Variants in SAR1A observed in about 807,000 individuals in gnomAD.
The protein encoded by SAR1A is secretion associated Ras related GTPase 1A, also known as small COPII coat GTPase SAR1A.
Under a neutral mutation model 22.6 loss-of-function variants are expected in SAR1A, and 6 were observed. The ratio of observed to expected loss-of-function variants is 0.27; its 90% CI spans 0.15 to 0.52. The LOEUF (loss-of-function observed/expected upper bound fraction) is 0.52. SAR1A is among the 20% of genes least tolerant of loss of function. The pLI is 0.96. For synonymous variants in SAR1A, 70 were observed against 82.2 expected, an observed-to-expected ratio of 0.85 and a Z score of 0.80; for missense variants, 145 against 245.1, an observed-to-expected ratio of 0.59 and a Z score of 2.73.
At chr10:70,156,116 TAGG>T (rs1839384028) in intron 5 of SAR1A, among the ~76,000 whole-genome samples, 1 of 152,046 alleles carries the variant, frequency 6.6e-6, no homozygotes. Flanking sequence ...GAATCAGTAG[TAGG>T]AGTTGTCGAG....
intron 5 of SAR1A, among the ~76,000 whole-genome samples, chr10:70,157,401 CAAAAAAAAAAAA>C (rs55801259): frequency 0.37 from 48,401 of 130,778 alleles, 8,924 homozygotes; most frequent in East Asian, 0.56. Flanking sequence ...AAGACTCCGT[CAAAAAAAAAAAA>C]AAAAAAAAAA....
At position 70,149,910 on chromosome 10, in the gene SAR1A, T is replaced by G. The variant is rs910298729; in HGVS notation, c.*2566A>C. ...CAGCTAAACTAGAACTAGTCCTTGC[T>G]AGCATGTTAATATAGATTTTGCTCA... On this transcript the variant is annotated 3_prime_UTR_variant, in exon 7 of 7. Transcript: ENST00000373241. The G allele has an allele frequency of 1.3e-5, 2 of 152,200 alleles. No homozygotes were observed. Among genetic ancestry groups the G allele is most frequent in the Non-Finnish European group, 2.9e-5 (2 of 68,036 alleles). The allele number at this position is 152,200 out of a possible 1,614,324, so 9.4% of individuals were successfully genotyped here.
chr10:70,164,532 C>A (rs1484784569), intron 1 of SAR1A, among the ~76,000 whole-genome samples: 1 of 152,218 alleles, frequency 6.6e-6, no homozygotes, highest in African/African-American at 2.4e-5. Context: ...AGTTGCACTA[C>A]TGCAGAATGG....
Position 70,148,306 on chromosome 10 carries a change from G to A in SAR1A, c.*4170C>T, listed in dbSNP as rs1367390442. ...TTGGTATAACCCCAGCACAACACAG[G>A]ATAATGCTCCCAGTACTCCCAGTGA... is the stretch of plus-strand genomic sequence containing the variant. On this transcript the variant is annotated 3_prime_UTR_variant, in exon 7 of 7. Transcript: ENST00000373241. 1 of 152,182 alleles carries A rather than the reference G, an allele frequency of 6.6e-6. No homozygotes were observed. Among genetic ancestry groups the A allele is most frequent in the Non-Finnish European group, 1.5e-5 (1 of 68,032 alleles). 9.4% of individuals were successfully genotyped at this position (152,182 alleles called of 1,614,324 possible). A position where few individuals can be genotyped will look rare whatever the true frequency, so the allele number is the denominator to read the frequency against.
intron 1 of SAR1A, among the ~76,000 whole-genome samples, chr10:70,165,264 CAAAAAAAAAAAAA>C (rs34191043): frequency 2.9e-4 from 27 of 92,906 alleles, no homozygotes; most frequent in Non-Finnish European, 4.9e-4. Context: ...GACTCCGTCT[CAAAAAAAAAAAAA>C]AAAAAAAAGA....
chr10:70,152,876 C>T lies in SAR1A; in HGVS notation c.481-284G>A, dbSNP rs370766523. ...TTATGGCAGCAAACCAAGAAAAAAG[C>T]CACTGGGACTTATGGAACCAGCATG... is the stretch of plus-strand genomic sequence containing the variant. On this transcript the variant is annotated intron_variant, in intron 6 of 6. Transcript: ENST00000373241. 3.3e-5 allele frequency among the ~76,000 whole-genome samples: 5 copies of T among 152,232 alleles called. No homozygotes were observed. The South Asian group carries it at 8.3e-4, about 25-fold the overall frequency.
intron 5 of SAR1A, 114 bp downstream of exon 5, chr10:70,157,650 T>C (rs900319718): frequency 3.0e-6 from 2 of 677,100 alleles, no homozygotes; most frequent in African/African-American, 3.7e-5. Flanking sequence ...TTTTGCCAAA[T>C]GTTAACTGGA....
Position 70,157,862 on chromosome 10 carries a change from G to A in SAR1A, c.250C>T (p.Arg84Cys). Reference sequence around the variant, plus strand: ...GCTGGGAGATAATTTTTCCAAACGCGACGTGCTAAAAAACAAAGTTTGTAG... The same window carrying A: ...GCTGGGAGATAATTTTTCCAAACGCAACGTGCTAAAAAACAAAGTTTGTAG... ...FDLGGHEQAR[R>C]VWKNYLPAIN... Residue 84 changes from arginine (R) to cysteine (C), a missense_variant, in exon 5 of 7, where the codon CGC becomes TGC. Around this residue, in one of 3 missense-constraint regions of SAR1A, gnomAD observed 40 missense variants for 105.7 expected, o/e 0.38. Transcript: ENST00000373241. The A allele has an allele frequency of 1.9e-6, 3 of 1,611,604 alleles. No homozygotes were observed. The highest frequency in any genetic ancestry group is 2.5e-6 in the Non-Finnish European group (3 of 1,178,494).
intron 1 of SAR1A, among the ~76,000 whole-genome samples, chr10:70,165,328 T>G (rs1022242394): frequency 6.6e-6 from 1 of 151,898 alleles, no homozygotes; most frequent in Non-Finnish European, 1.5e-5. Flanking sequence ...GACTGATTTC[T>G]CTGCTGGATC....
intron 1 of SAR1A, chr10:70,164,018 C>T: frequency 1.1e-6 from 1 of 903,106 alleles, no homozygotes; most frequent in Non-Finnish European, 1.9e-6. Flanking sequence ...TGATGACAAA[C>T]CTTGGAGTGA....
Position 70,152,302 on chromosome 10 carries a change from TGGA to T in SAR1A, c.*171_*173del. 1.1e-6 allele frequency: 1 copy of T among 947,944 alleles called. No individual in the cohort carries two copies. Among genetic ancestry groups the T allele is most frequent in the Non-Finnish European group, 1.6e-6 (1 of 622,638 alleles). 58.7% of individuals were successfully genotyped at this position (947,944 alleles called of 1,614,324 possible). The stretch of plus-strand genomic sequence containing the variant: ...GGGGCAGCATTACCTCCCAACAGTG[TGGA>T]GAAGAGCACATGTCACCACTGGGCA... On this transcript the variant is annotated 3_prime_UTR_variant, in exon 7 of 7. Transcript: ENST00000373241.
At chr10:70,169,046 A>G (rs1839590383) in intron 1 of SAR1A, among the ~76,000 whole-genome samples, 1 of 152,174 alleles carries the variant, frequency 6.6e-6, no homozygotes, top group South Asian at 2.1e-4. Context: ...CAGTACTTGT[A>G]CATCTCATTT....
At chr10:70,168,286 C>A (rs1371948707) in intron 1 of SAR1A, among the ~76,000 whole-genome samples, 2 of 152,230 alleles carry the variant, frequency 1.3e-5, no homozygotes, top group African/African-American at 4.8e-5. Flanking sequence ...GGCATTTTCT[C>A]CTTTTCACCT....
At chr10:70,162,262 C>T (rs903371866) in intron 1 of SAR1A, among the ~76,000 whole-genome samples, 1 of 150,970 alleles carries the variant, frequency 6.6e-6, no homozygotes, top group Non-Finnish European at 1.5e-5. Context: ...ATTACTTGAA[C>T]CCAGGGGTTT....
At chr10:70,160,271 C>A (rs116868948) in intron 4 of SAR1A, among the ~76,000 whole-genome samples, 4 of 150,794 alleles carry the variant, frequency 2.7e-5, no homozygotes, top group African/African-American at 7.3e-5. Context: ...TGATTATATA[C>A]AAGGAAATAT....
Position 70,161,928 on chromosome 10 carries a change from C to T in SAR1A, c.-13G>A. The stretch of plus-strand genomic sequence containing the variant: ...AGATGAAAGACATTATTAATGCTTA[C>T]TACCTGTATAAAATATGAAAGTAGC... On this transcript the variant is annotated 5_prime_UTR_variant, in exon 2 of 7. Coordinates refer to ENST00000373241, the MANE Select transcript of SAR1A (RefSeq NM_020150.5). The T allele has an allele frequency of 6.2e-7, 1 of 1,603,218 alleles. No individual in the cohort carries two copies. Among genetic ancestry groups the T allele is most frequent in the Non-Finnish European group, 8.5e-7 (1 of 1,171,780 alleles).
rs1839306790 is a variant in SAR1A, at chr10:70,149,830, C to G, written c.*2646G>C. ...TCAGCCTCCCAAAGTGCTAGGATTA[C>G]AGCGTGAGCCACCACACCTGGCCAA... is the stretch of plus-strand genomic sequence containing the variant. On this transcript the variant is annotated 3_prime_UTR_variant, in exon 7 of 7. Transcript: ENST00000373241. 1 of 152,114 alleles carries G rather than the reference C, an allele frequency of 6.6e-6. No homozygotes were observed. The highest frequency in any genetic ancestry group is 2.4e-5 in the African/African-American group (1 of 41,404). The allele number at this position is 152,114 out of a possible 1,614,324, so 9.4% of individuals were successfully genotyped here.
chr10:70,163,326 C>T (rs1839501373), intron 1 of SAR1A, among the ~76,000 whole-genome samples: 1 of 152,184 alleles, frequency 6.6e-6, no homozygotes, highest in Non-Finnish European at 1.5e-5. Context: ...TGGGTGGCTA[C>T]ACTAAACAAC....
At chr10:70,162,669 G>T (rs1288270996) in intron 1 of SAR1A, 1 of 152,086 alleles carries the variant, frequency 6.6e-6, no homozygotes. Flanking sequence ...AGAACTAGGA[G>T]TTAAAAATAT....
Sources: gnomAD v4.1 joint callset for allele counts (sites outside exome capture counted in the v4.1 genomes callset) on GRCh38, gnomAD v4.1.1 for gene constraint, gnomAD v4.1.1 regional missense constraint, MANE v1.5 for transcripts, NCBI Gene and HGNC (gene_info 2026-07-23, HGNC 2026-07-21) for gene names.